LAMA4: variants seen among roughly 807,000 people sequenced by gnomAD.
LAMA4 encodes laminin subunit alpha 4, also known as laminin subunit alpha-4.
Under a neutral mutation model 207.1 loss-of-function variants are expected in LAMA4, and 127 were observed. That is an observed-to-expected ratio of 0.61 (90% CI 0.53 to 0.71). The LOEUF is 0.71. LAMA4 is among the 30% of genes least tolerant of loss of function. LAMA4 has a pLI of 0.00. For missense variants in LAMA4, 2,093 were observed against 2,246.5 expected, an observed-to-expected ratio of 0.93 and a Z score of 1.38; for synonymous variants, 761 against 816.0, an observed-to-expected ratio of 0.93 and a Z score of 1.15.
chr6:112,254,054 G>A lies in LAMA4; in HGVS notation c.97C>T (p.Pro33Ser). 1 of 1,605,900 alleles carries A rather than the reference G, an allele frequency of 6.2e-7. No individual in the cohort carries two copies. The highest frequency in any genetic ancestry group is 8.5e-7 in the Non-Finnish European group (1 of 1,176,362). ...GCTGAGCTCCCTTCAATGTCAAAAG[G>A]AAAAGCGTTGTCGTCCCCGGACGCG... ...RAASGDDNAF[P>S]FDIEGSSAVG... Residue 33 changes from proline to serine, a missense_variant, in exon 2 of 39, where the codon CCT (proline) becomes TCT (serine). Transcript: ENST00000230538.
chr6:112,179,266 T>G (rs1554344691), intron 9 of LAMA4: 1 of 152,244 alleles, frequency 6.6e-6, no homozygotes, highest in Non-Finnish European at 1.5e-5. Flanking sequence ...GGCGTCTGTG[T>G]GTATGTGTGT....
intron 5 of LAMA4, among the ~76,000 whole-genome samples, chr6:112,198,724 A>T (rs1554351247): frequency 6.6e-6 from 1 of 152,134 alleles, no homozygotes; most frequent in Non-Finnish European, 1.5e-5. Flanking sequence ...GGAAACCGAG[A>T]CTCAGGGAAA....
intron 2 of LAMA4, among the ~76,000 whole-genome samples, chr6:112,229,162 C>T (rs1360792338): frequency 1.3e-5 from 2 of 152,162 alleles, no homozygotes; most frequent in East Asian, 1.9e-4. Flanking sequence ...TTATTAAATA[C>T]GACACCAGAA....
At chr6:112,218,308 A>C (rs1371559008) in intron 2 of LAMA4, 1 of 152,126 alleles carries the variant, frequency 6.6e-6, no homozygotes, top group Non-Finnish European at 1.5e-5. Flanking sequence ...CTGCATTTTA[A>C]AAAATAACTT....
chr6:112,129,780 C>G, intron 30 of LAMA4, 96 bp downstream of exon 30: 1 of 1,007,316 alleles, frequency 9.9e-7, no homozygotes, highest in Admixed American at 2.1e-5. Flanking sequence ...CCTAATGCCT[C>G]AGATACATTT....
At chr6:112,217,023 A>T (rs1784666817) in intron 2 of LAMA4, among the ~76,000 whole-genome samples, 1 of 152,212 alleles carries the variant, frequency 6.6e-6, no homozygotes, top group Non-Finnish European at 1.5e-5. Flanking sequence ...GAAGTTAATG[A>T]GTTCTTACAC....
chr6:112,203,306 C>T (rs1783867346), intron 4 of LAMA4, among the ~76,000 whole-genome samples: 1 of 152,118 alleles, frequency 6.6e-6, no homozygotes, highest in African/African-American at 2.4e-5. Flanking sequence ...TTTGCTTAAT[C>T]CCCTGAAGCA....
At chr6:112,252,648 T>G (rs1554190101) in intron 2 of LAMA4, among the ~76,000 whole-genome samples, 1 of 152,226 alleles carries the variant, frequency 6.6e-6, no homozygotes, top group African/African-American at 2.4e-5. Flanking sequence ...CCAATTTTAC[T>G]CTTAAGTAAA....
Position 112,172,867 on chromosome 6 carries a change from G to C in LAMA4, c.1358-63C>G, listed in dbSNP as rs1267890726. 2.1e-6 allele frequency: 3 copies of C among 1,450,296 alleles called. No individual in the cohort carries two copies. In the African/African-American group the frequency reaches 4.2e-5, roughly 20 times the overall value. 89.8% of individuals were successfully genotyped at this position (1,450,296 alleles called of 1,614,324 possible). ...CTCCTGTTCGCTTCCATTCCTCCCA[G>C]CATTTTGCAAAGTTGCAAAATTCTC... On this transcript the variant is annotated intron_variant, in intron 11 of 38. Coordinates refer to ENST00000230538, the MANE Select transcript of LAMA4 (RefSeq NM_001105206.3).
chr6:112,150,635 A>G lies in LAMA4; in HGVS notation c.2057-8T>C, dbSNP rs1583724945. 1 of 1,601,974 alleles carries G rather than the reference A, an allele frequency of 6.2e-7. No homozygotes were observed. Among genetic ancestry groups the G allele is most frequent in the Middle Eastern group, 1.7e-4 (1 of 6,042 alleles). On this transcript the variant is annotated splice_region_variant and splice_polypyrimidine_tract_variant and intron_variant, in intron 16 of 38. Transcript: ENST00000230538. ...CCACTGCTTCATCACTGCCTGTGGA[A>G]GAGCAGCAGAAAGAAGTACTAGTGG...
At chr6:112,111,684 C>CTGCAGTGG (rs1232333513) in intron 38 of LAMA4, among the ~76,000 whole-genome samples, 1 of 152,226 alleles carries the variant, frequency 6.6e-6, no homozygotes, top group Non-Finnish European at 1.5e-5. Context: ...GACTTAAAAG[C>CTGCAGTGG]TGCAGTGGTG....
At chr6:112,124,108 C>T (rs1349741455) in intron 31 of LAMA4, among the ~76,000 whole-genome samples, 3 of 152,184 alleles carry the variant, frequency 2.0e-5, no homozygotes, top group Admixed American at 2.0e-4. Context: ...ACTTTTGTCT[C>T]AGTGAAAGGC....
intron 3 of LAMA4, among the ~76,000 whole-genome samples, 200 bp from the exon 4 acceptor site, chr6:112,207,345 A>G (rs534184306): frequency 6.6e-6 from 1 of 152,036 alleles, no homozygotes; most frequent in South Asian, 2.1e-4. Flanking sequence ...TGGTGAATTA[A>G]TTTTTCCTGG....
chr6:112,237,964 C>A (rs1554366653), intron 2 of LAMA4, among the ~76,000 whole-genome samples: 2 of 152,226 alleles, frequency 1.3e-5, no homozygotes, highest in East Asian at 3.8e-4. Flanking sequence ...GTTTCTCTTT[C>A]TTCTGCTATG....
rs782305080 is a variant in LAMA4, at chr6:112,141,384, A to G, written c.2787T>C (p.Ala929=). 54 of 1,614,062 alleles carry G rather than the reference A, an allele frequency of 3.3e-5. No individual in the cohort carries two copies. The highest frequency in any genetic ancestry group is 4.5e-5 in the Non-Finnish European group (53 of 1,180,000). The change falls in exon 21 of 39, where the codon GCT becomes GCC. Residue 929 remains alanine (A), a synonymous_variant. Transcript: ENST00000230538. Reference sequence around the variant, plus strand: ...TTTCAATCTTGACAATGCTGAAGTAAGCAGGCCAGGAACTGACGGGCTTGG... The same window carrying G: ...TTTCAATCTTGACAATGCTGAAGTAGGCAGGCCAGGAACTGACGGGCTTGG... ...LDSKPVSSWP[A]YFSIVKIERV...
At chr6:112,168,457 T>TGTCTCA (rs569647357) in intron 12 of LAMA4, among the ~76,000 whole-genome samples, 178 of 151,128 alleles carry the variant, frequency 1.2e-3, no homozygotes, top group Non-Finnish European at 2.0e-3. Flanking sequence ...GCAATTCTCC[T>TGTCTCA]GTCTCAGCCT....
At chr6:112,120,888 A>G (rs2114593556) in intron 32 of LAMA4, among the ~76,000 whole-genome samples, 1 of 152,114 alleles carries the variant, frequency 6.6e-6, no homozygotes, top group Middle Eastern at 3.4e-3. Context: ...CTTGGGCAAC[A>G]TAGTGGAACC....
At chr6:112,123,537 A>G (rs1239792701) in intron 31 of LAMA4, among the ~76,000 whole-genome samples, 1 of 152,192 alleles carries the variant, frequency 6.6e-6, no homozygotes, top group African/African-American at 2.4e-5. Context: ...CCTTAATCTC[A>G]TAAGGGCAAA....
chr6:112,218,392 C>T (rs189796063), intron 2 of LAMA4: 44 of 152,270 alleles, frequency 2.9e-4, no homozygotes, highest in African/African-American at 1.1e-3. Context: ...TCCCCAAAGA[C>T]TCTGATATTT....
Sources: allele counts gnomAD v4.1 joint callset (sites outside exome capture counted in the v4.1 genomes callset), GRCh38; gene constraint gnomAD v4.1.1; transcripts MANE v1.5; gene names NCBI Gene and HGNC (gene_info 2026-07-23, HGNC 2026-07-21).